Variants in PUDP observed in about 807,000 individuals in gnomAD.
PUDP encodes pseudouridine 5'-phosphatase, also known as pseudouridine-5'-phosphatase.
In PUDP, 8 loss-of-function variants were observed where a neutral mutation model predicts 9.4. The observed-to-expected ratio is 0.85, with a 90% CI of 0.50 to 1.53. PUDP has a LOEUF of 1.53. PUDP is among the 40% of genes most tolerant of loss of function. The pLI, the probability that PUDP is intolerant of heterozygous loss-of-function variation, is 0.00. For synonymous variants in PUDP, 99 were observed against 80.7 expected (o/e 1.23, Z -1.22); for missense variants, 188 against 189.7 (o/e 0.99, Z 0.05).
intron 3 of PUDP, among the ~76,000 whole-genome samples, chrX:6,751,893 G>A (rs777443413): frequency 2.7e-5 from 3 of 110,980 alleles, no homozygotes; most frequent in East Asian, 5.7e-4. Context: ...TTATGAGGCA[G>A]CATCACCTGT....
In PUDP at chrX:7,005,480, G is replaced by A. The variant is rs776263515; in HGVS notation, c.205-27137C>T. On this transcript the variant is annotated intron_variant and NMD_transcript_variant, in intron 1 of 3. Coordinates refer to the PUDP transcript ENST00000655425. ...GCTGGAGTGCAGTAGCTCAATCATGGCTCACTGTAGCCTCCACCTCCTGGG... is the reference window on the plus strand; with the variant it reads ...GCTGGAGTGCAGTAGCTCAATCATGACTCACTGTAGCCTCCACCTCCTGGG... Among the ~76,000 whole-genome samples the A allele has an allele frequency of 4.6e-5, 5 of 109,331 alleles. No homozygotes were observed. In the South Asian group the frequency reaches 2.0e-3, roughly 45 times the overall value. The allele number at this position is 109,331 out of a possible 115,157, so 94.9% of individuals were successfully genotyped here. A position where few individuals can be genotyped will look rare whatever the true frequency, so the allele number is the denominator to read the frequency against.
intron 3 of PUDP, among the ~76,000 whole-genome samples, chrX:6,759,706 T>C (rs909246696): frequency 8.9e-6 from 1 of 112,057 alleles, no homozygotes; most frequent in Non-Finnish European, 1.9e-5. Context: ...TTTCATGGTT[T>C]TATTCTGATC....
At chrX:7,047,949 T>C (rs923214795), downstream of PUDP, among the ~76,000 whole-genome samples, 5 of 112,528 alleles carry the variant, frequency 4.4e-5, no homozygotes, top group African/African-American at 1.6e-4. Flanking sequence ...TAAACTGCAG[T>C]GTCTAGACAC....
chrX:6,798,185 G>A (rs1455002113), intron 3 of PUDP, among the ~76,000 whole-genome samples: 2 of 112,037 alleles, frequency 1.8e-5, no homozygotes, highest in Non-Finnish European at 3.8e-5. Flanking sequence ...CTGTCATGAT[G>A]GAAGGCAAAG....
At chrX:6,861,471 T>C (rs1371812722) in intron 3 of PUDP, among the ~76,000 whole-genome samples, 1 of 112,179 alleles carries the variant, frequency 8.9e-6, no homozygotes, top group Non-Finnish European at 1.9e-5. Context: ...CAATGCTTAA[T>C]ATGTCATAAT....
chrX:6,891,232 G>A (rs1255635698), intron 3 of PUDP, among the ~76,000 whole-genome samples: 2 of 111,838 alleles, frequency 1.8e-5, no homozygotes, highest in Admixed American at 9.5e-5. Flanking sequence ...CTTCCCCTAG[G>A]AGCAATATTC....
At chrX:7,043,484 A>G (rs985435881) in intron 1 of PUDP, among the ~76,000 whole-genome samples, 1 of 111,798 alleles carries the variant, frequency 8.9e-6, no homozygotes, top group East Asian at 2.8e-4. Context: ...TGCTGGTGCA[A>G]TGCTTCTTGT....
intron 2 of PUDP, among the ~76,000 whole-genome samples, chrX:7,090,036 T>A (rs751426693): frequency 3.6e-5 from 4 of 111,632 alleles, no homozygotes; most frequent in African/African-American, 1.3e-4. Context: ...ACAGACCAGA[T>A]AGGAAATTTA....
chrX:6,750,701 C>T (rs370351869), intron 3 of PUDP, among the ~76,000 whole-genome samples: 1 of 111,669 alleles, frequency 9.0e-6, no homozygotes, highest in African/African-American at 3.3e-5. Context: ...GATGCACTAT[C>T]GGCTTCACAA....
intron 3 of PUDP, among the ~76,000 whole-genome samples, chrX:6,956,896 C>T (rs949996404): frequency 9.0e-6 from 1 of 111,275 alleles, no homozygotes; most frequent in Non-Finnish European, 1.9e-5. Flanking sequence ...TTGAAAAGCC[C>T]CCTCCTTTCC....
intron 1 of PUDP, among the ~76,000 whole-genome samples, chrX:7,114,813 AC>A (rs1456021085): frequency 8.9e-6 from 1 of 112,611 alleles, no homozygotes; most frequent in African/African-American, 3.2e-5. Flanking sequence ...ATACAAATGT[AC>A]AAATTAGTAC....
intron 3 of PUDP, among the ~76,000 whole-genome samples, chrX:7,063,857 G>A (rs1000872333): frequency 2.7e-5 from 3 of 111,041 alleles, no homozygotes; most frequent in South Asian, 3.9e-4. Context: ...CCCTTTGCCC[G>A]GGCTAGTCTT....
chrX:6,826,138 T>A (rs1455633946), intron 3 of PUDP, among the ~76,000 whole-genome samples: 1 of 111,841 alleles, frequency 8.9e-6, no homozygotes, highest in Non-Finnish European at 1.9e-5. Context: ...CTAGATTTTT[T>A]AAGTCCCCTT....
chrX:6,731,200 A>G (rs774803700), intron 3 of PUDP, among the ~76,000 whole-genome samples: 2 of 111,947 alleles, frequency 1.8e-5, no homozygotes, highest in African/African-American at 3.3e-5. Flanking sequence ...CCCCCTGAGT[A>G]GTTGAGAATG....
In PUDP at chrX:7,016,652, G is replaced by A. The variant is rs372365927; in HGVS notation, c.205-38309C>T. On this transcript the variant is annotated intron_variant and NMD_transcript_variant, in intron 1 of 3. Coordinates refer to the PUDP transcript ENST00000655425. ...CGAGGTTCAGTGACCCTAATGCCAC[G>A]GAGGCCAGGATGCTGTGATTGAGAT... Among the ~76,000 whole-genome samples the A allele has an allele frequency of 1.4e-4, 15 of 111,082 alleles. No individual in the cohort carries two copies. The East Asian group carries it at 2.8e-3, about 21-fold the overall frequency.
intron 3 of PUDP, among the ~76,000 whole-genome samples, chrX:6,900,111 G>A: frequency 9.0e-6 from 1 of 110,794 alleles, no homozygotes; most frequent in Middle Eastern, 4.6e-3. Flanking sequence ...CTACTGAGGA[G>A]GCTGAGGTGG....
chrX:6,853,784 G>A (rs1439273494), intron 3 of PUDP, among the ~76,000 whole-genome samples: 2 of 110,483 alleles, frequency 1.8e-5, no homozygotes, highest in African/African-American at 6.6e-5. Flanking sequence ...TTTTTTTAAG[G>A]CAATGTTTCT....
intron 1 of PUDP, among the ~76,000 whole-genome samples, chrX:7,023,537 A>G (rs989433792): frequency 1.1e-4 from 12 of 112,228 alleles, no homozygotes; most frequent in Non-Finnish European, 2.1e-4. Context: ...ATTTGTATGT[A>G]TTATTTGTAG....
intron 3 of PUDP, among the ~76,000 whole-genome samples, chrX:6,844,089 C>T (rs949823838): frequency 4.5e-5 from 5 of 112,219 alleles, no homozygotes; most frequent in Non-Finnish European, 9.4e-5. Flanking sequence ...TCAGGGATCC[C>T]TTCTATCTTC....
Sources: allele counts gnomAD v4.1 joint callset (sites outside exome capture counted in the v4.1 genomes callset), GRCh38; gene constraint gnomAD v4.1.1; transcripts MANE v1.5; gene names NCBI Gene and HGNC (gene_info 2026-07-23, HGNC 2026-07-21).